Variants in CCND2 observed in about 807,000 individuals in gnomAD.
CCND2 encodes the protein cyclin D2, also known as G1/S-specific cyclin-D2.
In CCND2, 6 loss-of-function variants were observed where a neutral mutation model predicts 30.2. The ratio of observed to expected loss-of-function variants is 0.20; its 90% CI spans 0.11 to 0.39. CCND2 has a LOEUF of 0.39. CCND2 is among the 10% of genes least tolerant of loss of function. The pLI, the probability that CCND2 is intolerant of heterozygous loss-of-function variation, is 1.00. For missense variants in CCND2, 235 were observed against 373.4 expected (o/e 0.63, Z 3.06); for synonymous variants, 150 against 153.1 (o/e 0.98, Z 0.15).
chr12:4,289,142 A>G, intron 4 of CCND2, 152 bp downstream of exon 4: 1 of 363,922 alleles, frequency 2.7e-6, no homozygotes, highest in South Asian at 3.7e-5. Flanking sequence ...AGCAGGTGAC[A>G]CCCCCTCTTA....
In CCND2 at chr12:4,282,999, C is replaced by T. The variant is rs146516727; in HGVS notation, c.571+4080C>T. On this transcript the variant is annotated intron_variant, in intron 3 of 4. Coordinates refer to ENST00000261254, the MANE Select transcript of CCND2 (RefSeq NM_001759.4). This position sits in a 1 kb window ranked among gnomAD's most constrained non-coding sequence, Gnocchi z 4.3. The stretch of plus-strand genomic sequence containing the variant: ...GCGTCAGAGTGCGTATCTCTCTCCC[C>T]CTATTGGTGAACAGAAGCAAAGCCA... Among the ~76,000 whole-genome samples the T allele has an allele frequency of 6.6e-6, 1 of 152,336 alleles. No individual in the cohort carries two copies. The highest frequency in any genetic ancestry group is 2.4e-5 in the African/African-American group (1 of 41,568).
At position 4,300,182 on chromosome 12, in the gene CCND2, G is replaced by C. The variant is rs768883541; in HGVS notation, c.*173G>C. ...GAGAGAAAAAGGTCCTACGAAAACG[G>C]AATAATAAAAAGCATTTGGTGCCTA... On this transcript the variant is annotated 3_prime_UTR_variant, in exon 5 of 5. Transcript: ENST00000261254. 5.0e-5 allele frequency: 32 copies of C among 634,622 alleles called. No homozygotes were observed. Among genetic ancestry groups the C allele is most frequent in the Admixed American group, 1.2e-4 (4 of 32,962 alleles). The allele number at this position is 634,622 out of a possible 1,614,324, so 39.3% of individuals were successfully genotyped here. A position where few individuals can be genotyped will look rare whatever the true frequency, so the allele number is the denominator to read the frequency against.
Position 4,302,075 on chromosome 12 carries a change from A to G in CCND2, c.*2066A>G, listed in dbSNP as rs1189199808. 1 of 232,862 alleles carries G rather than the reference A, an allele frequency of 4.3e-6. No homozygotes were observed. Among genetic ancestry groups the G allele is most frequent in the East Asian group, 6.0e-5 (1 of 16,538 alleles). The allele number at this position is 232,862 out of a possible 1,614,324, so 14.4% of individuals were successfully genotyped here. A position where few individuals can be genotyped will look rare whatever the true frequency, so the allele number is the denominator to read the frequency against. ...TTTTCATAATACCTCACAACCGTACAGTTTCTGCTTGGGAGCCCATTCGCA... is the reference window on the plus strand; with the variant it reads ...TTTTCATAATACCTCACAACCGTACGGTTTCTGCTTGGGAGCCCATTCGCA... On this transcript the variant is annotated 3_prime_UTR_variant, in exon 5 of 5. Transcript: ENST00000261254.
chr12:4,286,443 A>G (rs1026095099), intron 3 of CCND2, among the ~76,000 whole-genome samples: 1 of 152,054 alleles, frequency 6.6e-6, no homozygotes, highest in Admixed American at 6.6e-5. Flanking sequence ...CCTGGAGGAG[A>G]GGTGGGGCAT....
chr12:4,288,736 G>A (rs998749499), intron 3 of CCND2, 106 bp from the exon 4 acceptor site: 95 of 1,101,052 alleles, frequency 8.6e-5, no homozygotes, highest in Non-Finnish European at 1.0e-4. Flanking sequence ...GGGGTCACTC[G>A]CGCCGCTGAC....
rs573182259 is a variant in CCND2, at chr12:4,282,986, G to A, written c.571+4067G>A. Among the ~76,000 whole-genome samples the A allele has an allele frequency of 6.6e-6, 1 of 152,162 alleles. No homozygotes were observed. Among genetic ancestry groups the A allele is most frequent in the Non-Finnish European group, 1.5e-5 (1 of 68,030 alleles). ...CCTTTCTTCTTCAGCGTCAGAGTGC[G>A]TATCTCTCTCCCCCTATTGGTGAAC... is the stretch of plus-strand genomic sequence containing the variant. On this transcript the variant is annotated intron_variant, in intron 3 of 4. Coordinates refer to ENST00000261254, the MANE Select transcript of CCND2 (RefSeq NM_001759.4). The surrounding 1 kb of genome is among the most constrained non-coding windows in gnomAD (Gnocchi z 4.3).
intron 4 of CCND2, among the ~76,000 whole-genome samples, chr12:4,295,273 G>A (rs751311571): frequency 1.1e-4 from 17 of 152,230 alleles, no homozygotes; most frequent in Admixed American, 2.0e-4. Flanking sequence ...TGAGGGATTT[G>A]TGTAGTCGAA....
At chr12:4,289,725 C>T (rs1270096400) in intron 4 of CCND2, among the ~76,000 whole-genome samples, 1 of 152,194 alleles carries the variant, frequency 6.6e-6, no homozygotes, top group Admixed American at 6.5e-5. Flanking sequence ...CAGGAAGCTG[C>T]AGTCCTAGCC....
At chr12:4,292,609 A>G (rs1259189554) in intron 4 of CCND2, among the ~76,000 whole-genome samples, 1 of 152,188 alleles carries the variant, frequency 6.6e-6, no homozygotes, top group African/African-American at 2.4e-5. Context: ...TTGCCAAAAT[A>G]AACCAGAACG....
At position 4,301,244 on chromosome 12, in the gene CCND2, A is replaced by C. The variant is rs1864244384; in HGVS notation, c.*1235A>C. The C allele has an allele frequency of 4.3e-6, 1 of 233,532 alleles. No individual in the cohort carries two copies. Among genetic ancestry groups the C allele is most frequent in the Admixed American group, 5.6e-5 (1 of 17,778 alleles). 14.5% of individuals were successfully genotyped at this position (233,532 alleles called of 1,614,324 possible). On this transcript the variant is annotated 3_prime_UTR_variant, in exon 5 of 5. Transcript: ENST00000261254. ...GTTACCATTCTGATGGCACAGAAGGATCTTAATTCCCATCTCTATACTTCT... is the reference window on the plus strand; with the variant it reads ...GTTACCATTCTGATGGCACAGAAGGCTCTTAATTCCCATCTCTATACTTCT...
intron 4 of CCND2, among the ~76,000 whole-genome samples, chr12:4,294,693 G>A (rs1204792953): frequency 2.0e-5 from 3 of 152,220 alleles, no homozygotes; most frequent in Non-Finnish European, 4.4e-5. Context: ...ACTGGGACAA[G>A]CCACGTCAAC....
chr12:4,278,647 C>A, intron 2 of CCND2, 113 bp from the exon 3 acceptor site: 2 of 975,228 alleles, frequency 2.1e-6, no homozygotes, highest in Non-Finnish European at 1.5e-6. Flanking sequence ...ATCTAGCAGC[C>A]ACGTCCTAAT....
Position 4,303,420 on chromosome 12 carries a change from C to G in CCND2, c.*3411C>G, listed in dbSNP as rs1156318554. On this transcript the variant is annotated 3_prime_UTR_variant, in exon 5 of 5. Coordinates refer to ENST00000261254, the MANE Select transcript of CCND2 (RefSeq NM_001759.4). The surrounding 1 kb of genome is among the most constrained non-coding windows in gnomAD (Gnocchi z 4.6). ...ACTTGCTCTTTTTGTTGTTGTTGTT[C>G]TTTCTCTTCTTTTTCTTACCTCCCA... 4.3e-6 allele frequency: 1 copy of G among 233,320 alleles called. No individual in the cohort carries two copies. The highest frequency in any genetic ancestry group is 8.5e-6 in the Non-Finnish European group (1 of 118,096). 14.5% of individuals were successfully genotyped at this position (233,320 alleles called of 1,614,324 possible).
chr12:4,281,780 G>A (rs753751822), intron 3 of CCND2, among the ~76,000 whole-genome samples: 42 of 152,138 alleles, frequency 2.8e-4, no homozygotes, highest in Middle Eastern at 3.2e-3. Context: ...TAGAGGGGCC[G>A]CGTAAGTGTG....
rs34524099 is a variant in CCND2, at chr12:4,301,353, G to GT, written c.*1357dup. 50,121 of 217,472 alleles carry GT rather than the reference G, an allele frequency of 0.23. 4,022 individuals carry two copies. Among genetic ancestry groups the GT allele is most frequent in the East Asian group, 0.29 (4,461 of 15,620 alleles). 13.5% of individuals were successfully genotyped at this position (217,472 alleles called of 1,614,324 possible). A position where few individuals can be genotyped will look rare whatever the true frequency, so the allele number is the denominator to read the frequency against. On this transcript the variant is annotated 3_prime_UTR_variant, in exon 5 of 5. Coordinates refer to ENST00000261254, the MANE Select transcript of CCND2 (RefSeq NM_001759.4). ...GGTGTGGCATTTTGTTCCCTTTTCC[G>GT]TTTTTTTTTTTTTATTGTTGTTGTT...
At position 4,301,352 on chromosome 12, in the gene CCND2, C is replaced by CT. The variant is rs1864245578; in HGVS notation, c.*1343_*1344insT. On this transcript the variant is annotated 3_prime_UTR_variant, in exon 5 of 5. Coordinates refer to ENST00000261254, the MANE Select transcript of CCND2 (RefSeq NM_001759.4). The stretch of plus-strand genomic sequence containing the variant: ...GGGTGTGGCATTTTGTTCCCTTTTC[C>CT]GTTTTTTTTTTTTTATTGTTGTTGT... 5 of 99,138 alleles carry CT rather than the reference C, an allele frequency of 5.0e-5. No individual in the cohort carries two copies. Among genetic ancestry groups the CT allele is most frequent in the African/African-American group, 1.3e-4 (2 of 14,990 alleles). 6.1% of individuals were successfully genotyped at this position (99,138 alleles called of 1,614,324 possible).
chr12:4,289,003 C>T lies in CCND2; in HGVS notation c.720+13C>T. 1 of 1,604,106 alleles carries T rather than the reference C, an allele frequency of 6.2e-7. No homozygotes were observed. The highest frequency in any genetic ancestry group is 8.5e-7 in the Non-Finnish European group (1 of 1,174,748). On this transcript the variant is annotated intron_variant, in intron 4 of 4. Transcript: ENST00000261254. ...CAACACAGACGTGGTAGGTGGCCACCACCTTCTTGGCTAAGTCCAGATGTC... is the reference window on the plus strand; with the variant it reads ...CAACACAGACGTGGTAGGTGGCCACTACCTTCTTGGCTAAGTCCAGATGTC...
rs1864251504 is a variant in CCND2, at chr12:4,301,673, T to C, written c.*1664T>C. On this transcript the variant is annotated 3_prime_UTR_variant, in exon 5 of 5. Transcript: ENST00000261254. ...GTCTCTCATTTTTTTAATTTTGTTT[T>C]GTTCAGTTTGGTTTTTTTTTTTTTT... The C allele has an allele frequency of 4.4e-6, 1 of 227,246 alleles. No homozygotes were observed. 14.1% of individuals were successfully genotyped at this position (227,246 alleles called of 1,614,324 possible).
intron 4 of CCND2, among the ~76,000 whole-genome samples, chr12:4,290,720 G>A (rs549432685): frequency 8.5e-5 from 13 of 152,192 alleles, no homozygotes; most frequent in African/African-American, 1.2e-4. Context: ...CATGGACAGT[G>A]GTGGAAATTT....
Sources: allele counts gnomAD v4.1 joint callset (sites outside exome capture counted in the v4.1 genomes callset), GRCh38; gene constraint gnomAD v4.1.1; non-coding constraint Gnocchi (gnomAD v3.1); transcripts MANE v1.5; gene names NCBI Gene and HGNC (gene_info 2026-07-23, HGNC 2026-07-21).